The following SYNE2 variants were observed in gnomAD, a reference collection of about 807,000 sequenced individuals.
SYNE2 encodes nesprin-2.
Under a neutral mutation model 856.3 loss-of-function variants are expected in SYNE2, and 431 were observed. The observed-to-expected ratio is 0.50, with a 90% confidence interval of 0.47 to 0.55. The LOEUF (loss-of-function observed/expected upper bound fraction) is 0.55. Among genes scored for constraint, SYNE2 ranks in the 20% least tolerant of loss-of-function variants. SYNE2 has a pLI of 0.00. For synonymous variants in SYNE2, 2,923 were observed against 2,872.3 expected, an observed-to-expected ratio of 1.02 and a Z score of -0.56; for missense variants, 8,129 against 8,023.2, an observed-to-expected ratio of 1.01 and a Z score of -0.50.
chr14:64,199,674 C>T (rs1407816041), intron 99 of SYNE2, among the ~76,000 whole-genome samples: 1 of 136,592 alleles, frequency 7.3e-6, no homozygotes, highest in Non-Finnish European at 1.5e-5. Flanking sequence ...GCCCATGTCG[C>T]AGCACTGCAC....
rs2098333341 is a variant in SYNE2 at position 64,161,960 on chromosome 14, G to A, written c.16095-112G>A. 36 of 1,149,526 alleles carry A rather than the reference G, an allele frequency of 3.1e-5. No individual in the cohort carries two copies. In the South Asian group the frequency reaches 4.3e-4, roughly 14 times the overall value. 71.2% of individuals were successfully genotyped at this position (1,149,526 alleles called of 1,614,324 possible). On this transcript the variant is annotated intron_variant, in intron 87 of 115. Coordinates refer to ENST00000555002, the MANE Select transcript of SYNE2 (RefSeq NM_182914.3). The stretch of plus-strand genomic sequence containing the variant: ...CTAATTTTAAAAACCATTTAACAGT[G>A]TCTTCTTAATGATCCATCTGCTAGT...
intron 1 of SYNE2, among the ~76,000 whole-genome samples, chr14:63,901,851 G>A (rs1281314938): frequency 1.3e-5 from 2 of 152,092 alleles, no homozygotes; most frequent in Non-Finnish European, 2.9e-5. Context: ...TTGAGCCCAG[G>A]GAAGTTGAGG....
At chr14:64,033,002 T>C (rs187040863) in intron 45 of SYNE2, among the ~76,000 whole-genome samples, 24 of 151,924 alleles carry the variant, frequency 1.6e-4, no homozygotes, top group African/African-American at 5.5e-4. Context: ...ATTTCATCTC[T>C]ACAAAAAAAT....
At chr14:63,832,526 C>T (rs998132767) in intron 1 of SYNE2, among the ~76,000 whole-genome samples, 2 of 151,874 alleles carry the variant, frequency 1.3e-5, no homozygotes, top group African/African-American at 4.8e-5. Flanking sequence ...TAATAATTCA[C>T]CAGAGAAAAA....
intron 1 of SYNE2, among the ~76,000 whole-genome samples, chr14:63,892,729 CTTT>C (rs11293385): frequency 4.9e-4 from 64 of 130,186 alleles, no homozygotes; most frequent in Non-Finnish European, 3.4e-4. Context: ...GGTGTACTTT[CTTT>C]TTTTTTTTTT....
At chr14:63,807,864 T>TAA (rs1888439449) in intron 1 of SYNE2, among the ~76,000 whole-genome samples, 10 of 108,086 alleles carry the variant, frequency 9.3e-5, no homozygotes, top group Non-Finnish European at 1.3e-4. Flanking sequence ...TATATATATA[T>TAA]AATTTCAATA....
intron 78 of SYNE2, among the ~76,000 whole-genome samples, chr14:64,135,386 CA>C (rs2098078860): frequency 6.6e-6 from 1 of 151,958 alleles, no homozygotes; most frequent in African/African-American, 2.4e-5. Flanking sequence ...GAGGCTGGGA[CA>C]CTGTATTTAT....
rs1368278529 is a variant in SYNE2 at position 64,217,316 on chromosome 14, T to C, written c.19542+929T>C. On this transcript the variant is annotated intron_variant, in intron 108 of 115. Coordinates refer to ENST00000555002, the MANE Select transcript of SYNE2 (RefSeq NM_182914.3). ...TTATTATTCCTGTATTGGTTTGTTG[T>C]TTATAGCAATGGCTGTTTCTTCTTA... Among the ~76,000 whole-genome samples, 3 of 152,396 alleles carry C rather than the reference T, an allele frequency of 2.0e-5. No individual in the cohort carries two copies. The East Asian group carries it at 5.8e-4, about 29-fold the overall frequency.
At chr14:63,807,589 T>G (rs1426924877) in intron 1 of SYNE2, among the ~76,000 whole-genome samples, 3 of 151,272 alleles carry the variant, frequency 2.0e-5, no homozygotes, top group Non-Finnish European at 4.4e-5. Flanking sequence ...AGAAATTGGT[T>G]TTTTCTCTCT....
At chr14:64,108,811 G>A (rs1404037100) in intron 65 of SYNE2, among the ~76,000 whole-genome samples, 7 of 145,786 alleles carry the variant, frequency 4.8e-5, no homozygotes, top group African/African-American at 1.5e-4. Flanking sequence ...TTTACACCCA[G>A]TGGCAATGCT....
intron 94 of SYNE2, among the ~76,000 whole-genome samples, chr14:64,170,768 T>A (rs2098406851): frequency 6.6e-6 from 1 of 152,118 alleles, no homozygotes; most frequent in Admixed American, 6.5e-5. Context: ...CCACCCAGAT[T>A]CTTAAGCCAC....
At chr14:63,886,719 G>A (rs924500304) in intron 1 of SYNE2, among the ~76,000 whole-genome samples, 3 of 152,116 alleles carry the variant, frequency 2.0e-5, no homozygotes, top group Admixed American at 6.5e-5. Context: ...GAGTGTGGTG[G>A]TCAAATCTCG....
rs866496117 is a variant in SYNE2 at position 64,053,911 on chromosome 14, A to G, written c.9744+254A>G. Among the ~76,000 whole-genome samples the G allele has an allele frequency of 2.0e-5, 3 of 152,192 alleles. No homozygotes were observed. The highest frequency in any genetic ancestry group is 3.2e-3 in the Middle Eastern group (1 of 316). ...TTGAACCAGGGTGGCGCAAGTTGTA[A>G]TGAGTCAACATCCCGGCACTGCTCT... On this transcript the variant is annotated intron_variant, in intron 48 of 115. Transcript: ENST00000555002.
intron 93 of SYNE2, among the ~76,000 whole-genome samples, chr14:64,169,480 G>A (rs1019768511): frequency 1.3e-5 from 2 of 152,206 alleles, no homozygotes; most frequent in Non-Finnish European, 2.9e-5. Context: ...TGGCCAGTCT[G>A]CTAATGCTGA....
rs2097489241 is a variant in SYNE2, at chr14:64,078,513, A to C, written c.11070A>C (p.Arg3690Ser). 2 of 1,614,024 alleles carry C rather than the reference A, an allele frequency of 1.2e-6. No homozygotes were observed. Among genetic ancestry groups the C allele is most frequent in the Non-Finnish European group, 1.7e-6 (2 of 1,180,014 alleles). The change falls in exon 55 of 116, where the codon AGA becomes AGC. Residue 3690 changes from arginine to serine, a missense_variant. Arg to Ser is a moderately radical substitution (Grantham distance 110, BLOSUM62 -1). Around this residue, in one of 3 missense-constraint regions of SYNE2, gnomAD observed 5,410 missense variants for 5,284.8 expected, o/e 1.02. Coordinates refer to ENST00000555002, the MANE Select transcript of SYNE2 (RefSeq NM_182914.3). Reference sequence around the variant, plus strand: ...GCTCACCATCATATGCAATGAGGAGAAAAATAGAAGAAATTAACAATGGGC... The same window carrying C: ...GCTCACCATCATATGCAATGAGGAGCAAAATAGAAGAAATTAACAATGGGC... Reference protein sequence around the residue: ...LKSSPSYAMRRKIEEINNGLH... With the variant: ...LKSSPSYAMRSKIEEINNGLH...
At position 63,990,982 on chromosome 14, in the gene SYNE2, C is replaced by G; in HGVS notation, c.2513C>G (p.Thr838Ser). 3 of 1,614,134 alleles carry G rather than the reference C, an allele frequency of 1.9e-6. No homozygotes were observed. Among genetic ancestry groups the G allele is most frequent in the Non-Finnish European group, 2.5e-6 (3 of 1,180,006 alleles). Residue 838 changes from threonine (T) to serine (S), a missense_variant, in exon 21 of 116, where the codon ACT becomes AGT. By Grantham distance (58) the Thr-to-Ser change is moderately conservative (BLOSUM62 1). Around this residue, in one of 3 missense-constraint regions of SYNE2, gnomAD observed 2,422 missense variants for 2,357.4 expected, o/e 1.03. Coordinates refer to ENST00000555002, the MANE Select transcript of SYNE2 (RefSeq NM_182914.3). ...VKLIAALKNLTDVSPDLDIRL... is the reference protein window; with the variant it reads ...VKLIAALKNLSDVSPDLDIRL... ...CTCATTGCAGCGTTGAAGAACTTAA[C>G]TGACGTTTCACCAGATTTGGACATC...
rs371408307 is a variant in SYNE2 at position 64,116,973 on chromosome 14, A to G, written c.12841-2454A>G. On this transcript the variant is annotated intron_variant, in intron 66 of 115. Coordinates refer to ENST00000555002, the MANE Select transcript of SYNE2 (RefSeq NM_182914.3). Reference sequence around the variant, plus strand: ...GCTACATTTTGTTTATAGCCACTGTACAGTCTATGGGTACATATTGTTTAA... The same window carrying G: ...GCTACATTTTGTTTATAGCCACTGTGCAGTCTATGGGTACATATTGTTTAA... Among the ~76,000 whole-genome samples the G allele has an allele frequency of 1.9e-4, 29 of 152,350 alleles. 1 individual carries two copies. The highest frequency in any genetic ancestry group is 3.4e-3 in the Middle Eastern group (1 of 294).
intron 45 of SYNE2, among the ~76,000 whole-genome samples, chr14:64,039,094 C>T (rs553993549): frequency 3.3e-5 from 5 of 152,260 alleles, no homozygotes; most frequent in Admixed American, 3.3e-4. Context: ...CTGTGTTGAT[C>T]TGGCTTTTGG....
chr14:64,025,321 A>G lies in SYNE2; in HGVS notation c.6152A>G (p.His2051Arg). ...TEDQSFNDLA[H>R]DVIHWIKEIK... ...GACCAGAGCTTTAATGATCTTGCAC[A>G]TGATGTAATTCATTGGATAAAAGAG... Residue 2051 changes from histidine to arginine, a missense_variant, in exon 41 of 116, where the codon CAT becomes CGT. Coordinates refer to ENST00000555002, the MANE Select transcript of SYNE2 (RefSeq NM_182914.3). 1.2e-6 allele frequency: 2 copies of G among 1,614,128 alleles called. No homozygotes were observed. The highest frequency in any genetic ancestry group is 1.7e-6 in the Non-Finnish European group (2 of 1,179,986).
Sources: gnomAD v4.1 joint callset for allele counts (sites outside exome capture counted in the v4.1 genomes callset) on GRCh38, gnomAD v4.1.1 for gene constraint, gnomAD v4.1.1 regional missense constraint, MANE v1.5 for transcripts, NCBI Gene and HGNC (gene_info 2026-07-23, HGNC 2026-07-21) for gene names.